The following ENTPD7 variants were observed in gnomAD, a reference collection of about 807,000 sequenced individuals.
ENTPD7 encodes the protein NTPDase 7.
A neutral mutation model predicts 77.9 loss-of-function variants in ENTPD7; 53 were observed. That is an observed-to-expected ratio of 0.68 (90% CI 0.55 to 0.85). The LOEUF (loss-of-function observed/expected upper bound fraction) is 0.85, where lower values mean the gene tolerates loss of function less well. Ranked by LOEUF, ENTPD7 falls within the 40% of genes least tolerant of loss-of-function variation. The pLI is 0.00. For missense variants in ENTPD7, 636 were observed against 743.7 expected (o/e 0.86, Z 1.68); for synonymous variants, 248 against 274.9 (o/e 0.90, Z 0.97).
At chr10:99,699,714 A>G (rs530660698) in intron 10 of ENTPD7, among the ~76,000 whole-genome samples, 7 of 152,176 alleles carry the variant, frequency 4.6e-5, no homozygotes, top group Non-Finnish European at 1.0e-4. Context: ...ACAGATGCCC[A>G]CCACCATGCC....
Position 99,708,858 on chromosome 10 carries a change from T to C in ENTPD7, c.*4175T>C. On this transcript the variant is annotated 3_prime_UTR_variant, in exon 13 of 13. Transcript: ENST00000370489. The stretch of plus-strand genomic sequence containing the variant: ...TTTGTCAGCTACAATGAAATGCTCA[T>C]TAACAGAATCTTTCTGCAAGTATAA... 1.0e-6 allele frequency: 1 copy of C among 985,444 alleles called. No individual in the cohort carries two copies. Among genetic ancestry groups the C allele is most frequent in the Non-Finnish European group, 1.2e-6 (1 of 829,924 alleles). 61.0% of individuals were successfully genotyped at this position (985,444 alleles called of 1,614,324 possible). A position where few individuals can be genotyped will look rare whatever the true frequency, so the allele number is the denominator to read the frequency against.
Position 99,707,931 on chromosome 10 carries a change from G to A in ENTPD7, c.*3248G>A, listed in dbSNP as rs1212029847. Among the ~76,000 whole-genome samples the A allele has an allele frequency of 6.6e-6, 1 of 152,150 alleles. No homozygotes were observed. Among genetic ancestry groups the A allele is most frequent in the South Asian group, 2.1e-4 (1 of 4,824 alleles). ...CCCACACCAAGGAACAAATTCAGGG[G>A]GTACAAGTGCAGGTTTGTTACATGA... On this transcript the variant is annotated 3_prime_UTR_variant, in exon 13 of 13. Coordinates refer to ENST00000370489, the MANE Select transcript of ENTPD7 (RefSeq NM_020354.5).
At chr10:99,660,079 T>C in intron 2 of ENTPD7, 115 bp downstream of exon 2, 2 of 1,494,372 alleles carry the variant, frequency 1.3e-6, no homozygotes, top group Admixed American at 3.6e-5. Context: ...ACTTGGACTT[T>C]GTATTCTGGT....
chr10:99,698,478 G>A, intron 9 of ENTPD7, 56 bp from the exon 10 acceptor site: 1 of 1,530,172 alleles, frequency 6.5e-7, no homozygotes, highest in Non-Finnish European at 8.9e-7. Context: ...TCTTAGACTA[G>A]GTTGAATACA....
At chr10:99,696,252 G>A (rs889951517) in intron 9 of ENTPD7, 130 bp downstream of exon 9, 1 of 1,106,050 alleles carries the variant, frequency 9.0e-7, no homozygotes, top group African/African-American at 1.6e-5. Context: ...CCCTGCCAAT[G>A]GGGTAGCATC....
intron 8 of ENTPD7, among the ~76,000 whole-genome samples, chr10:99,694,351 C>T (rs920222216): frequency 1.3e-5 from 2 of 152,148 alleles, no homozygotes; most frequent in Non-Finnish European, 2.9e-5. Flanking sequence ...TCAGCCATCT[C>T]GTGGTATGGG....
At chr10:99,701,173 TC>T in intron 11 of ENTPD7, 115 bp downstream of exon 11, 1 of 977,948 alleles carries the variant, frequency 1.0e-6, no homozygotes, top group South Asian at 1.5e-5. Context: ...ATTTGATTAT[TC>T]CAGACTTGAT....
At chr10:99,666,915 A>G (rs538800611) in intron 3 of ENTPD7, among the ~76,000 whole-genome samples, 8 of 152,372 alleles carry the variant, frequency 5.3e-5, no homozygotes, top group South Asian at 2.1e-4. Context: ...CTGAAAAATC[A>G]TAAGTTGTAC....
At chr10:99,673,193 G>T (rs183740247) in intron 3 of ENTPD7, among the ~76,000 whole-genome samples, 107 of 152,324 alleles carry the variant, frequency 7.0e-4, no homozygotes, top group Non-Finnish European at 1.1e-3. Flanking sequence ...CAAGGCTTTT[G>T]AGACTTTTCT....
In ENTPD7 at chr10:99,710,161, C is replaced by A. The variant is rs1255447240; in HGVS notation, c.*5478C>A. ...CTCCTCCTTCTCCACTCCAAGGCAG[C>A]CCTGGTACTTTCCTAAGTGGCCCCT... is the stretch of plus-strand genomic sequence containing the variant. On this transcript the variant is annotated 3_prime_UTR_variant, in exon 13 of 13. Coordinates refer to ENST00000370489, the MANE Select transcript of ENTPD7 (RefSeq NM_020354.5). The A allele has an allele frequency of 2.0e-6, 2 of 985,300 alleles. No homozygotes were observed. Among genetic ancestry groups the A allele is most frequent in the African/African-American group, 3.5e-5 (2 of 57,244 alleles). 61.0% of individuals were successfully genotyped at this position (985,300 alleles called of 1,614,324 possible).
At chr10:99,703,026 A>T (rs1243433951) in intron 12 of ENTPD7, among the ~76,000 whole-genome samples, 1 of 152,230 alleles carries the variant, frequency 6.6e-6, no homozygotes, top group Non-Finnish European at 1.5e-5. Context: ...TTACCCTGGA[A>T]AACACATCTG....
At chr10:99,680,040 C>A (rs142019559) in intron 5 of ENTPD7, among the ~76,000 whole-genome samples, 165 bp downstream of exon 5, 31 of 152,238 alleles carry the variant, frequency 2.0e-4, no homozygotes, top group African/African-American at 6.3e-4. Flanking sequence ...GGATCAGTAT[C>A]TATCTGGGAT....
chr10:99,677,645 G>A (rs1234980256), intron 3 of ENTPD7, among the ~76,000 whole-genome samples: 2 of 152,172 alleles, frequency 1.3e-5, no homozygotes, highest in African/African-American at 2.4e-5. Context: ...CATAACAGGC[G>A]TGAGCCACTG....
At chr10:99,698,437 G>A in intron 9 of ENTPD7, 97 bp from the exon 10 acceptor site, 1 of 1,186,450 alleles carries the variant, frequency 8.4e-7, no homozygotes. Flanking sequence ...ATGAAAACCA[G>A]TAGTAAGATA....
chr10:99,679,346 A>C lies in ENTPD7; in HGVS notation c.277A>C (p.Ser93Arg). ...NYGLVVDCGS[S>R]GSRIFVYFWP... ...TGGACTTGTTGTTGACTGTGGCAGC[A>C]GTGGTTCCCGGATTTTTGTTTATTT... Residue 93 changes from serine (S) to arginine (R), a missense_variant, in exon 4 of 13, where the codon AGT (serine) becomes CGT (arginine). By Grantham distance (110) the Ser-to-Arg change is moderately radical (BLOSUM62 -1). Transcript: ENST00000370489. 6.2e-7 allele frequency: 1 copy of C among 1,614,196 alleles called. No individual in the cohort carries two copies. The highest frequency in any genetic ancestry group is 8.5e-7 in the Non-Finnish European group (1 of 1,180,036).
chr10:99,694,400 G>A (rs989918661), intron 8 of ENTPD7, among the ~76,000 whole-genome samples: 5 of 152,084 alleles, frequency 3.3e-5, no homozygotes, highest in African/African-American at 1.2e-4. Flanking sequence ...GCATTCCATT[G>A]TATGACCAAC....
intron 8 of ENTPD7, among the ~76,000 whole-genome samples, 199 bp downstream of exon 8, chr10:99,691,717 C>A (rs963733225): frequency 2.6e-5 from 4 of 152,046 alleles, no homozygotes; most frequent in African/African-American, 9.7e-5. Flanking sequence ...TAGTATCTAC[C>A]TCATAAAGTT....
chr10:99,676,602 T>C lies in ENTPD7; in HGVS notation c.192-2659T>C, dbSNP rs564839410. On this transcript the variant is annotated intron_variant, in intron 3 of 12. Transcript: ENST00000370489. ...TGGATTATCTTGCCTATTTCTTTTT[T>C]ATCTTTGGCCTTTTGTGAGGTCAGT... 2.6e-5 allele frequency among the ~76,000 whole-genome samples: 4 copies of C among 152,338 alleles called. No individual in the cohort carries two copies. The East Asian group carries it at 7.7e-4, about 29-fold the overall frequency.
At chr10:99,702,772 T>C in intron 12 of ENTPD7, 99 bp downstream of exon 12, 3 of 1,216,064 alleles carry the variant, frequency 2.5e-6, no homozygotes, top group Non-Finnish European at 3.3e-6. Flanking sequence ...CAGCTTAGAA[T>C]AGGTCTTAAG....
Sources: allele counts gnomAD v4.1 joint callset (sites outside exome capture counted in the v4.1 genomes callset), GRCh38; gene constraint gnomAD v4.1.1; transcripts MANE v1.5; gene names NCBI Gene and HGNC (gene_info 2026-07-23, HGNC 2026-07-21).